The following PPP3CA variants were observed in gnomAD, a reference collection of about 807,000 sequenced individuals.
The protein encoded by PPP3CA is protein phosphatase 3 catalytic subunit alpha.
A neutral mutation model predicts 66.5 loss-of-function variants in PPP3CA; 14 were observed. The observed-to-expected ratio is 0.21, with a 90% CI of 0.14 to 0.33. PPP3CA has a LOEUF of 0.33. Ranked by LOEUF, PPP3CA falls within the 10% of genes least tolerant of loss-of-function variation. PPP3CA has a pLI of 1.00. For missense variants in PPP3CA, 317 were observed against 639.5 expected, an observed-to-expected ratio of 0.50 and a Z score of 5.44; for synonymous variants, 232 against 226.2, an observed-to-expected ratio of 1.03 and a Z score of -0.23.
chr4:101,268,146 T>C (rs1464201714), intron 1 of PPP3CA, among the ~76,000 whole-genome samples: 2 of 152,108 alleles, frequency 1.3e-5, no homozygotes, highest in East Asian at 3.9e-4. Flanking sequence ...AACTCCAGCC[T>C]GGGGAACATA....
At chr4:101,041,782 A>G (rs1727534444) in intron 10 of PPP3CA, among the ~76,000 whole-genome samples, 1 of 152,032 alleles carries the variant, frequency 6.6e-6, no homozygotes. Context: ...CTTTTTATTC[A>G]TTATGTGGGA....
intron 1 of PPP3CA, among the ~76,000 whole-genome samples, chr4:101,341,443 T>C (rs1225037718): frequency 6.6e-6 from 1 of 152,208 alleles, no homozygotes; most frequent in East Asian, 1.9e-4. Flanking sequence ...AATGTCATCA[T>C]AAGCTACTCT....
chr4:101,105,312 G>A (rs564079690), intron 3 of PPP3CA, among the ~76,000 whole-genome samples: 256 of 151,772 alleles, frequency 1.7e-3, no homozygotes, highest in Admixed American at 3.0e-3. Flanking sequence ...GACTACAGGC[G>A]CATGCCACCA....
intron 3 of PPP3CA, among the ~76,000 whole-genome samples, chr4:101,104,760 TC>T (rs1193633631): frequency 5.3e-5 from 8 of 152,182 alleles, no homozygotes; most frequent in Non-Finnish European, 2.9e-5. Flanking sequence ...TATATAAATG[TC>T]CATGCTATTT....
At chr4:101,146,697 T>A (rs1722981236) in intron 2 of PPP3CA, among the ~76,000 whole-genome samples, 1 of 152,124 alleles carries the variant, frequency 6.6e-6, no homozygotes, top group Non-Finnish European at 1.5e-5. Flanking sequence ...CACCTCGGCT[T>A]TCCAAAGTGC....
intron 9 of PPP3CA, among the ~76,000 whole-genome samples, chr4:101,062,814 G>A (rs1324783664): frequency 6.6e-6 from 1 of 151,904 alleles, no homozygotes; most frequent in African/African-American, 2.4e-5. Flanking sequence ...ATTAACATCA[G>A]AAATGTAAGG....
chr4:101,148,038 G>A (rs1180450805), intron 2 of PPP3CA, among the ~76,000 whole-genome samples: 3 of 152,014 alleles, frequency 2.0e-5, no homozygotes, highest in Admixed American at 2.0e-4. Flanking sequence ...CTCTCAAAAT[G>A]TTTATTTCAA....
At chr4:101,291,808 G>T (rs1408814912) in intron 1 of PPP3CA, among the ~76,000 whole-genome samples, 1 of 152,058 alleles carries the variant, frequency 6.6e-6, no homozygotes, top group Non-Finnish European at 1.5e-5. Flanking sequence ...ACCTCCACTA[G>T]GCTTGACAGT....
intron 8 of PPP3CA, among the ~76,000 whole-genome samples, chr4:101,066,892 T>G (rs192113694): frequency 4.7e-4 from 72 of 152,186 alleles, no homozygotes; most frequent in Non-Finnish European, 1.5e-4. Flanking sequence ...ATAATACAAA[T>G]AGTTGTACTT....
intron 2 of PPP3CA, among the ~76,000 whole-genome samples, chr4:101,151,484 G>A (rs992632748): frequency 5.3e-5 from 8 of 150,120 alleles, no homozygotes; most frequent in African/African-American, 1.5e-4. Flanking sequence ...GCTTGAACCC[G>A]GGAGGTGGAG....
intron 1 of PPP3CA, among the ~76,000 whole-genome samples, chr4:101,203,521 ATTC>A (rs1442391931): frequency 6.6e-6 from 1 of 152,162 alleles, no homozygotes; most frequent in Non-Finnish European, 1.5e-5. Context: ...AAACAAAATT[ATTC>A]TTCAACTATA....
chr4:101,054,742 G>T (rs1418319526), intron 10 of PPP3CA, among the ~76,000 whole-genome samples: 1 of 151,876 alleles, frequency 6.6e-6, no homozygotes, highest in African/African-American at 2.4e-5. Flanking sequence ...ATAATTTTCT[G>T]GTATAGGACA....
At chr4:101,292,142 G>C (rs1728049338) in intron 1 of PPP3CA, among the ~76,000 whole-genome samples, 1 of 150,716 alleles carries the variant, frequency 6.6e-6, no homozygotes, top group Non-Finnish European at 1.5e-5. Context: ...GGCCCCTATA[G>C]TGGGACCTGA....
At chr4:101,327,333 C>A (rs754530017) in intron 1 of PPP3CA, among the ~76,000 whole-genome samples, 14 of 152,048 alleles carry the variant, frequency 9.2e-5, no homozygotes, top group South Asian at 2.1e-4. Flanking sequence ...AACCTGGAAT[C>A]TACTACAAAT....
At chr4:101,280,842 A>C (rs1727658971) in intron 1 of PPP3CA, among the ~76,000 whole-genome samples, 1 of 151,180 alleles carries the variant, frequency 6.6e-6, no homozygotes, top group Non-Finnish European at 1.5e-5. Flanking sequence ...AAAAACTGGA[A>C]ACCATCAGTG....
intron 2 of PPP3CA, among the ~76,000 whole-genome samples, chr4:101,112,020 C>T (rs1403187079): frequency 6.6e-6 from 1 of 152,060 alleles, no homozygotes; most frequent in African/African-American, 2.4e-5. Flanking sequence ...TTTTACTCTT[C>T]CATTTTAATT....
At chr4:101,075,237 G>T (rs954991275) in intron 8 of PPP3CA, among the ~76,000 whole-genome samples, 15 of 152,092 alleles carry the variant, frequency 9.9e-5, no homozygotes. Context: ...TCTTATAAAA[G>T]CAATTTTCTA....
At chr4:101,077,180 T>C (rs992295745) in intron 8 of PPP3CA, among the ~76,000 whole-genome samples, 1 of 152,248 alleles carries the variant, frequency 6.6e-6, no homozygotes, top group African/African-American at 2.4e-5. Flanking sequence ...TATGAACTAC[T>C]AATAAGAAAT....
At position 101,197,196 on chromosome 4, in the gene PPP3CA, C is replaced by T. The variant is rs146430427; in HGVS notation, c.59-1080G>A. On this transcript the variant is annotated intron_variant, in intron 1 of 13. Transcript: ENST00000394854. ...TCTCAGGAGAAGCACTTGATGTTAACGGAATAAACTTGGCCCTCTCCCTTC... is the reference window on the plus strand; with the variant it reads ...TCTCAGGAGAAGCACTTGATGTTAATGGAATAAACTTGGCCCTCTCCCTTC... Among the ~76,000 whole-genome samples, 754 of 152,284 alleles carry T rather than the reference C, an allele frequency of 5.0e-3. 6 individuals are homozygous for T. Among genetic ancestry groups the T allele is most frequent in the African/African-American group, 0.017 (701 of 41,556 alleles).
Sources: allele counts gnomAD v4.1 joint callset (sites outside exome capture counted in the v4.1 genomes callset), GRCh38; gene constraint gnomAD v4.1.1; transcripts MANE v1.5; gene names NCBI Gene and HGNC (gene_info 2026-07-23, HGNC 2026-07-21).